The following ANK1 variants were observed in gnomAD, a reference collection of about 807,000 sequenced individuals.
The protein encoded by ANK1 is ankyrin-1.
In ANK1, 51 loss-of-function variants were observed where a neutral mutation model predicts 210.4. The ratio of observed to expected loss-of-function variants is 0.24; its 90% CI spans 0.19 to 0.31. The LOEUF (loss-of-function observed/expected upper bound fraction) is 0.31, where lower values mean the gene tolerates loss of function less well. ANK1 is among the 10% of genes least tolerant of loss of function. The pLI is 1.00. For missense variants in ANK1, 2,051 were observed against 2,504.4 expected, an observed-to-expected ratio of 0.82 and a Z score of 3.86; for synonymous variants, 967 against 1,025.9, an observed-to-expected ratio of 0.94 and a Z score of 1.10.
At chr8:41,822,098 G>A (rs199806402) in intron 1 of ANK1, among the ~76,000 whole-genome samples, 4 of 87,024 alleles carry the variant, frequency 4.6e-5, no homozygotes, top group African/African-American at 1.5e-4. Flanking sequence ...GAGAGAGAGA[G>A]AGAGAGAGAG....
intron 1 of ANK1, among the ~76,000 whole-genome samples, chr8:41,886,223 GC>G (rs1818417747): frequency 6.6e-6 from 1 of 152,172 alleles, no homozygotes; most frequent in African/African-American, 2.4e-5. Context: ...TTTATGGGCA[GC>G]CCCAAGGTGG....
At chr8:41,671,623 G>A (rs538022061) in intron 38 of ANK1, among the ~76,000 whole-genome samples, 93 of 147,822 alleles carry the variant, frequency 6.3e-4, no homozygotes, top group Non-Finnish European at 9.9e-4. Flanking sequence ...GAGACCTCCC[G>A]GCACCCCGAT....
chr8:41,848,227 T>TAAATA (rs1554650941), intron 1 of ANK1, among the ~76,000 whole-genome samples: 2 of 151,404 alleles, frequency 1.3e-5, no homozygotes, highest in Non-Finnish European at 2.9e-5. Context: ...AATAAATAAA[T>TAAATA]AAAACTGTGC....
intron 1 of ANK1, among the ~76,000 whole-genome samples, chr8:41,806,955 C>A (rs1202687127): frequency 6.6e-6 from 1 of 152,182 alleles, no homozygotes; most frequent in Non-Finnish European, 1.5e-5. Flanking sequence ...AATTATACTT[C>A]TTATCCTTAT....
chr8:41,697,169 C>T (rs935420480), intron 24 of ANK1, among the ~76,000 whole-genome samples: 2 of 152,236 alleles, frequency 1.3e-5, no homozygotes, highest in East Asian at 1.9e-4. Flanking sequence ...ATCCCAGCAC[C>T]GTGACCGCCT....
chr8:41,695,460 G>A (rs1820623042), intron 26 of ANK1, 129 bp from the exon 27 acceptor site: 1 of 1,311,624 alleles, frequency 7.6e-7, no homozygotes, highest in Admixed American at 1.8e-5. Context: ...GGCCCCACCT[G>A]CAGGCAGGTC....
intron 42 of ANK1, among the ~76,000 whole-genome samples, chr8:41,659,022 A>C (rs993712883): frequency 6.6e-6 from 1 of 152,256 alleles, no homozygotes; most frequent in Non-Finnish European, 1.5e-5. Flanking sequence ...CTCTGGCCAC[A>C]ATATTTTGGT....
upstream of ANK1, chr8:41,797,651 C>G (rs2150771871): frequency 6.6e-7 from 1 of 1,506,834 alleles, no homozygotes; most frequent in East Asian, 2.5e-5. This position sits in a 1 kb window ranked among gnomAD's most constrained non-coding sequence, Gnocchi z 4.0. Flanking sequence ...GGGCCAGGCC[C>G]CCGAGGGCCT....
intron 3 of ANK1, among the ~76,000 whole-genome samples, chr8:41,730,812 T>G (rs1356990686): frequency 6.6e-6 from 1 of 152,128 alleles, no homozygotes; most frequent in Non-Finnish European, 1.5e-5. Flanking sequence ...CTGGGTGCAT[T>G]CATTCACTGG....
intron 1 of ANK1, among the ~76,000 whole-genome samples, chr8:41,833,349 G>T (rs1243023720): frequency 6.6e-6 from 1 of 152,182 alleles, no homozygotes; most frequent in African/African-American, 2.4e-5. Flanking sequence ...GTCTGGGGGT[G>T]GTGAAACCCA....
At chr8:41,671,829 G>A (rs1812475608) in intron 38 of ANK1, among the ~76,000 whole-genome samples, 1 of 139,556 alleles carries the variant, frequency 7.2e-6, no homozygotes, top group African/African-American at 2.8e-5. Context: ...GTCCCTAAGT[G>A]AGTCCTCCCG....
chr8:41,741,608 T>C (rs2150685874), intron 2 of ANK1, among the ~76,000 whole-genome samples: 1 of 152,024 alleles, frequency 6.6e-6, no homozygotes, highest in South Asian at 2.1e-4. Flanking sequence ...TTGGCTTGTA[T>C]GGTGAACACC....
rs139312328 is a variant in ANK1 at position 41,736,436 on chromosome 8, G to A, written c.130-2367C>T. On this transcript the variant is annotated intron_variant, in intron 2 of 42. Coordinates refer to ENST00000289734, the MANE Select transcript of ANK1 (RefSeq NM_000037.4). ...CAAGCGCTCTTCCAACCCAGCGGCA[G>A]CCTTATCTAGAAGCTTCCTAGTGCT... Among the ~76,000 whole-genome samples, 559 of 152,334 alleles carry A rather than the reference G, an allele frequency of 3.7e-3. 4 individuals carry two copies. Among genetic ancestry groups the A allele is most frequent in the Non-Finnish European group, 5.4e-3 (364 of 68,028 alleles).
intron 3 of ANK1, among the ~76,000 whole-genome samples, chr8:41,729,291 G>A (rs1300333637): frequency 1.3e-5 from 2 of 152,228 alleles, no homozygotes; most frequent in Admixed American, 6.5e-5. Flanking sequence ...AACACTGGAG[G>A]AAAACCAGGC....
intron 1 of ANK1, among the ~76,000 whole-genome samples, chr8:41,780,108 G>A (rs970497193): frequency 3.3e-5 from 5 of 152,212 alleles, no homozygotes; most frequent in African/African-American, 1.2e-4. Flanking sequence ...GGATGCTGAA[G>A]TCAGTGACAG....
chr8:41,694,225 C>CACAGA lies in ANK1; in HGVS notation c.3328-128_3328-124dup. On this transcript the variant is annotated intron_variant, in intron 28 of 42. Coordinates refer to ENST00000289734, the MANE Select transcript of ANK1 (RefSeq NM_000037.4). This position sits in a 1 kb window ranked among gnomAD's most constrained non-coding sequence, Gnocchi z 5.7. ...ACGGGGTCCCGCCCTGCTGTTGGAC[C>CACAGA]ACAGAACCGACACGGTGGAGCTTGC... The CACAGA allele has an allele frequency of 9.5e-7, 1 of 1,056,724 alleles. No individual in the cohort carries two copies. Among genetic ancestry groups the CACAGA allele is most frequent in the Non-Finnish European group, 1.4e-6 (1 of 729,028 alleles). 65.5% of individuals were successfully genotyped at this position (1,056,724 alleles called of 1,614,324 possible).
intron 1 of ANK1, among the ~76,000 whole-genome samples, chr8:41,805,587 A>T (rs1193145596): frequency 1.3e-5 from 2 of 152,112 alleles, no homozygotes; most frequent in Non-Finnish European, 2.9e-5. Context: ...ATCTAGCAAT[A>T]TTTACTATAT....
At chr8:41,748,591 C>T (rs986625326) in intron 2 of ANK1, among the ~76,000 whole-genome samples, 3 of 152,314 alleles carry the variant, frequency 2.0e-5, no homozygotes, top group Admixed American at 1.3e-4. Context: ...GTTCTGTACT[C>T]GGAGACTTGT....
chr8:41,893,131 C>G (rs866279681), intron 1 of ANK1, among the ~76,000 whole-genome samples: 1 of 152,172 alleles, frequency 6.6e-6, no homozygotes, highest in Non-Finnish European at 1.5e-5. Flanking sequence ...CTCCTCCTAC[C>G]CTCAAGCTCT....
Sources: gnomAD v4.1 joint callset for allele counts (sites outside exome capture counted in the v4.1 genomes callset) on GRCh38, gnomAD v4.1.1 for gene constraint, Gnocchi (gnomAD v3.1) non-coding constraint, MANE v1.5 for transcripts, NCBI Gene and HGNC (gene_info 2026-07-23, HGNC 2026-07-21) for gene names.